Variants in RPAP3 observed in about 807,000 individuals in gnomAD.
The protein encoded by RPAP3 is RNA polymerase II-associated protein 3.
A neutral mutation model predicts 88.8 loss-of-function variants in RPAP3; 58 were observed. The ratio of observed to expected loss-of-function variants is 0.65; its 90% CI spans 0.53 to 0.81. The LOEUF (loss-of-function observed/expected upper bound fraction) is 0.81, where lower values mean the gene tolerates loss of function less well. Ranked by LOEUF, RPAP3 falls within the 40% of genes least tolerant of loss-of-function variation. The pLI, the probability that RPAP3 is intolerant of heterozygous loss-of-function variation, is 0.00. For missense variants in RPAP3, 751 were observed against 764.3 expected, an observed-to-expected ratio of 0.98 and a Z score of 0.20; for synonymous variants, 255 against 259.9, an observed-to-expected ratio of 0.98 and a Z score of 0.18.
chr12:47,698,628 C>G (rs1056696421), intron 3 of RPAP3, among the ~76,000 whole-genome samples: 2 of 152,110 alleles, frequency 1.3e-5, no homozygotes, highest in Non-Finnish European at 2.9e-5. Context: ...ATCTTCCCAC[C>G]TCGCTCTCCC....
chr12:47,678,501 T>C (rs1035550395), intron 12 of RPAP3, among the ~76,000 whole-genome samples: 2 of 152,110 alleles, frequency 1.3e-5, no homozygotes, highest in Non-Finnish European at 2.9e-5. Context: ...ATCTACCCTC[T>C]GACAAAGGGC....
At chr12:47,669,146 A>C in intron 13 of RPAP3, 44 bp from the exon 14 acceptor site, 1 of 1,388,260 alleles carries the variant, frequency 7.2e-7, no homozygotes, top group African/African-American at 1.4e-5. Flanking sequence ...ACCATAAATA[A>C]TCATAGCTCA....
At chr12:47,686,553 C>CAT (rs1041323183) in intron 9 of RPAP3, among the ~76,000 whole-genome samples, 2 of 151,176 alleles carry the variant, frequency 1.3e-5, no homozygotes, top group African/African-American at 4.9e-5. Context: ...CATACACACA[C>CAT]ACACACACAC....
At chr12:47,688,314 T>A (rs147776728) in intron 7 of RPAP3, among the ~76,000 whole-genome samples, 1 of 150,856 alleles carries the variant, frequency 6.6e-6, no homozygotes, top group Non-Finnish European at 1.5e-5. Flanking sequence ...ACAGACACTA[T>A]AGACTACCTG....
chr12:47,705,952 C>G lies in RPAP3; in HGVS notation c.-7G>C, dbSNP rs1453789526. On this transcript the variant is annotated splice_region_variant and 5_prime_UTR_variant, in exon 1 of 17. Coordinates refer to ENST00000005386, the MANE Select transcript of RPAP3 (RefSeq NM_024604.3). ...AGCGAGAACCGCAACGCCCGCTCAC[C>G]TGACCAGGCCGTAACCCGCCGCACT... is the stretch of plus-strand genomic sequence containing the variant. 6.5e-6 allele frequency: 1 copy of G among 153,478 alleles called. No homozygotes were observed. The highest frequency in any genetic ancestry group is 2.4e-5 in the African/African-American group (1 of 41,472). 9.5% of individuals were successfully genotyped at this position (153,478 alleles called of 1,614,324 possible). A position where few individuals can be genotyped will look rare whatever the true frequency, so the allele number is the denominator to read the frequency against.
intron 15 of RPAP3, among the ~76,000 whole-genome samples, chr12:47,667,535 G>C (rs991618384): frequency 1.3e-5 from 2 of 152,070 alleles, no homozygotes; most frequent in Non-Finnish European, 1.5e-5. Context: ...TAAGAGTACA[G>C]TAAATTCTCA....
chr12:47,704,597 C>G (rs1288110797), intron 1 of RPAP3, among the ~76,000 whole-genome samples: 1 of 151,262 alleles, frequency 6.6e-6, no homozygotes, highest in African/African-American at 2.4e-5. Context: ...AGGCTGGTCT[C>G]GAACTCCTGA....
intron 1 of RPAP3, among the ~76,000 whole-genome samples, chr12:47,704,206 A>C (rs1318486565): frequency 1.3e-5 from 2 of 152,190 alleles, no homozygotes; most frequent in Non-Finnish European, 2.9e-5. Context: ...GATGCCAAGG[A>C]AGAAAAAAGT....
intron 10 of RPAP3, among the ~76,000 whole-genome samples, chr12:47,680,625 A>G (rs910222587): frequency 2.6e-5 from 4 of 152,074 alleles, no homozygotes; most frequent in Admixed American, 2.0e-4. Context: ...ACCAAAAGAA[A>G]GTTGAAGGAA....
chr12:47,665,744 G>A (rs938937229), intron 16 of RPAP3, among the ~76,000 whole-genome samples: 19 of 151,802 alleles, frequency 1.3e-4, no homozygotes, highest in African/African-American at 3.9e-4. Context: ...GTGCTGAAAC[G>A]ATTCTCCCAC....
chr12:47,663,821 C>T (rs1938809484), intron 16 of RPAP3, among the ~76,000 whole-genome samples: 1 of 152,098 alleles, frequency 6.6e-6, no homozygotes, highest in African/African-American at 2.4e-5. Context: ...ATAAAATTTG[C>T]CCTGCATTCT....
At chr12:47,680,497 A>G (rs1939202179) in intron 10 of RPAP3, among the ~76,000 whole-genome samples, 3 of 152,290 alleles carry the variant, frequency 2.0e-5, no homozygotes, top group South Asian at 4.1e-4. Context: ...ACACTGCTGT[A>G]GCTAACAGGC....
chr12:47,690,882 A>T (rs1330913310), intron 5 of RPAP3, among the ~76,000 whole-genome samples: 1 of 152,220 alleles, frequency 6.6e-6, no homozygotes, highest in African/African-American at 2.4e-5. Flanking sequence ...AGTCACACAA[A>T]TTTTTTGGTT....
intron 16 of RPAP3, among the ~76,000 whole-genome samples, chr12:47,665,275 C>CTT (rs772384915): frequency 2.1e-5 from 3 of 141,288 alleles, no homozygotes; most frequent in East Asian, 2.0e-4. Flanking sequence ...TTTTTTCTTT[C>CTT]TTTTTTTTTT....
chr12:47,670,355 T>C lies in RPAP3; in HGVS notation c.1288-10A>G, dbSNP rs1214755655. The C allele has an allele frequency of 7.0e-7, 1 of 1,438,696 alleles. No homozygotes were observed. The highest frequency in any genetic ancestry group is 1.4e-5 in the African/African-American group (1 of 70,642). The allele number at this position is 1,438,696 out of a possible 1,614,324, so 89.1% of individuals were successfully genotyped here. On this transcript the variant is annotated splice_polypyrimidine_tract_variant and intron_variant, in intron 12 of 16. Transcript: ENST00000005386. ...CCTTCTTGAGTGGTTTCTAAAACAATTAAAATCAATTCCTTAAATCAAAAT... is the reference window on the plus strand; with the variant it reads ...CCTTCTTGAGTGGTTTCTAAAACAACTAAAATCAATTCCTTAAATCAAAAT...
At chr12:47,685,059 T>C (rs1230370314) in intron 9 of RPAP3, among the ~76,000 whole-genome samples, 2 of 152,182 alleles carry the variant, frequency 1.3e-5, no homozygotes, top group Non-Finnish European at 2.9e-5. Flanking sequence ...CAGACAATAG[T>C]ATCTATCACT....
rs1938767244 is a variant in RPAP3 at position 47,661,904 on chromosome 12, G to C, written c.*1601C>G. 6.6e-6 allele frequency: 1 copy of C among 152,076 alleles called. No homozygotes were observed. 9.4% of individuals were successfully genotyped at this position (152,076 alleles called of 1,614,324 possible). On this transcript the variant is annotated 3_prime_UTR_variant, in exon 17 of 17. Transcript: ENST00000005386. The stretch of plus-strand genomic sequence containing the variant: ...AAAGGATCATACCGTAGTCCATTCG[G>C]GTTGCTATAATAAAATATCAAACTG...
intron 5 of RPAP3, among the ~76,000 whole-genome samples, chr12:47,692,642 G>A (rs1328852732): frequency 6.6e-6 from 1 of 152,118 alleles, no homozygotes; most frequent in Non-Finnish European, 1.5e-5. Flanking sequence ...TCAACAATAA[G>A]CTTCTTTTGC....
chr12:47,689,056 T>C (rs1939378208), intron 7 of RPAP3, 69 bp downstream of exon 7: 2 of 718,782 alleles, frequency 2.8e-6, no homozygotes, highest in Non-Finnish European at 4.8e-6. Flanking sequence ...TAGTACAAAA[T>C]CTATGCAAAA....
Sources: gnomAD v4.1 joint callset for allele counts (sites outside exome capture counted in the v4.1 genomes callset) on GRCh38, gnomAD v4.1.1 for gene constraint, MANE v1.5 for transcripts, NCBI Gene and HGNC (gene_info 2026-07-23, HGNC 2026-07-21) for gene names.